Variants in ACTN4 observed in about 807,000 individuals in gnomAD.
ACTN4 encodes the protein actinin alpha 4.
A neutral mutation model predicts 114.2 loss-of-function variants in ACTN4; 18 were observed. That is an observed-to-expected ratio of 0.16 (90% CI 0.11 to 0.23). The LOEUF is 0.23. Ranked by LOEUF, ACTN4 falls within the 10% of genes least tolerant of loss-of-function variation. ACTN4 has a pLI of 1.00. For synonymous variants in ACTN4, 515 were observed against 506.3 expected, an observed-to-expected ratio of 1.02 and a Z score of -0.23; for missense variants, 722 against 1,262.9, an observed-to-expected ratio of 0.57 and a Z score of 6.49.
At chr19:38,710,875 G>T in intron 8 of ACTN4, 1 of 230,920 alleles carries the variant, frequency 4.3e-6, no homozygotes. Context: ...GTGACACGCA[G>T]TGATGGGTCA....
At chr19:38,714,963 A>C (rs1968791113) in intron 9 of ACTN4, among the ~76,000 whole-genome samples, 1 of 152,222 alleles carries the variant, frequency 6.6e-6, no homozygotes, top group Non-Finnish European at 1.5e-5. Context: ...GGCCCTGTGC[A>C]GGTGCTTAAC....
chr19:38,725,509 CCT>C (rs767364876), intron 16 of ACTN4, among the ~76,000 whole-genome samples: 1 of 152,234 alleles, frequency 6.6e-6, no homozygotes, highest in African/African-American at 2.4e-5. Flanking sequence ...AGAAAACCTC[CCT>C]GTCATTGTCA....
At position 38,724,060 on chromosome 19, in the gene ACTN4, A is replaced by G. The variant is rs750972461; in HGVS notation, c.1675A>G (p.Thr559Ala). The change falls in exon 14 of 21, where the codon ACC becomes GCC. Residue 559 changes from threonine (T) to alanine (A), a missense_variant. Thr to Ala is a moderately conservative substitution (Grantham distance 58, BLOSUM62 0). Coordinates refer to ENST00000252699, the MANE Select transcript of ACTN4 (RefSeq NM_004924.6). This position sits in a 1 kb window ranked among gnomAD's most constrained non-coding sequence, Gnocchi z 7.0. ...EDLQDMFIVH[T>A]IEEIEGLISA... ...CCTCCAGGACATGTTCATCGTCCAT[A>G]CCATCGAGGAGATTGAGGTTCGCAC... 5.0e-6 allele frequency: 8 copies of G among 1,613,460 alleles called. No individual in the cohort carries two copies. The Admixed American group carries it at 1.3e-4, about 27-fold the overall frequency.
At chr19:38,678,210 C>A (rs1029317858) in intron 1 of ACTN4, among the ~76,000 whole-genome samples, 2 of 152,208 alleles carry the variant, frequency 1.3e-5, no homozygotes, top group African/African-American at 4.8e-5. Context: ...GGCCCTTGCC[C>A]TTAAAAATGA....
Position 38,731,071 on chromosome 19 carries a change from TCCCCCCATG to T in ACTN4, c.*1644_*1652del. On this transcript the variant is annotated 3_prime_UTR_variant, in exon 21 of 21. Transcript: ENST00000252699. Reference sequence around the variant, plus strand: ...AGTGCCCACCAGTCCCCGTACCCCTTCCCCCCATGCCCCACCATGCCGGGGTGGTACTCA... The same window carrying T: ...AGTGCCCACCAGTCCCCGTACCCCTTCCCCACCATGCCGGGGTGGTACTCA... 6.4e-7 allele frequency: 1 copy of T among 1,573,614 alleles called. No homozygotes were observed. The highest frequency in any genetic ancestry group is 8.6e-7 in the Non-Finnish European group (1 of 1,160,084).
In ACTN4 at chr19:38,647,711, G is replaced by A; in HGVS notation, c.-35G>A. The stretch of plus-strand genomic sequence containing the variant: ...CAGAGGGGCGGGAGCTGAGGCGGGA[G>A]CGGACAGGCTGGTGGGCGAGCGAGA... On this transcript the variant is annotated 5_prime_UTR_variant, in exon 1 of 21. Coordinates refer to ENST00000252699, the MANE Select transcript of ACTN4 (RefSeq NM_004924.6). The A allele has an allele frequency of 1.3e-6, 2 of 1,524,462 alleles. No individual in the cohort carries two copies. Among genetic ancestry groups the A allele is most frequent in the Non-Finnish European group, 1.8e-6 (2 of 1,136,910 alleles). 94.4% of individuals were successfully genotyped at this position (1,524,462 alleles called of 1,614,324 possible).
intron 1 of ACTN4, among the ~76,000 whole-genome samples, chr19:38,672,737 C>T (rs1967171779): frequency 2.0e-5 from 3 of 150,964 alleles, no homozygotes; most frequent in African/African-American, 7.3e-5. Context: ...CCACACCCGG[C>T]TAATTTTGTA....
intron 19 of ACTN4, among the ~76,000 whole-genome samples, chr19:38,728,738 G>T (rs1413393840): frequency 6.6e-6 from 1 of 152,234 alleles, no homozygotes; most frequent in Non-Finnish European, 1.5e-5. Context: ...TGCTGTGGGA[G>T]ACCACGAGAG....
At chr19:38,700,367 G>A (rs1968230508) in intron 1 of ACTN4, among the ~76,000 whole-genome samples, 1 of 152,286 alleles carries the variant, frequency 6.6e-6, no homozygotes, top group South Asian at 2.1e-4. Context: ...CGCCTGGATG[G>A]TCTTGTGATG....
At chr19:38,653,042 C>T (rs528279225) in intron 1 of ACTN4, among the ~76,000 whole-genome samples, 108 of 149,668 alleles carry the variant, frequency 7.2e-4, no homozygotes, top group African/African-American at 2.6e-3. Flanking sequence ...GCCAAGATCG[C>T]GCTACTGCAC....
At chr19:38,677,350 A>G (rs60860251) in intron 1 of ACTN4, among the ~76,000 whole-genome samples, 1,740 of 139,208 alleles carry the variant, frequency 0.012, 27 homozygotes, top group African/African-American at 0.041. Context: ...ATAAATATGT[A>G]TTGAATGAAT....
intron 1 of ACTN4, among the ~76,000 whole-genome samples, chr19:38,660,144 A>G (rs1976837544): frequency 6.6e-6 from 1 of 151,764 alleles, no homozygotes; most frequent in Non-Finnish European, 1.5e-5. Context: ...CTGGTCTCCA[A>G]CTCCTGACCT....
At chr19:38,681,879 G>A (rs1205219909) in intron 1 of ACTN4, among the ~76,000 whole-genome samples, 1 of 152,162 alleles carries the variant, frequency 6.6e-6, no homozygotes, top group Non-Finnish European at 1.5e-5. Flanking sequence ...TGGTCAGGCT[G>A]GAGTGCAGTA....
rs144919021 is a variant in ACTN4 at position 38,731,175 on chromosome 19, C to T, written c.*1743C>T. The T allele has an allele frequency of 2.5e-5, 41 of 1,613,188 alleles. No homozygotes were observed. The highest frequency in any genetic ancestry group is 6.7e-5 in the African/African-American group (5 of 75,050). On this transcript the variant is annotated 3_prime_UTR_variant, in exon 21 of 21. Coordinates refer to ENST00000252699, the MANE Select transcript of ACTN4 (RefSeq NM_004924.6). ...GAAGTCCACACGCAGACGGCTATCC[C>T]GGTAGCGGCTGGTGAGGGTCTGGGT...
chr19:38,717,498 G>T lies in ACTN4; in HGVS notation c.1143+182G>T, dbSNP rs1261234373. On this transcript the variant is annotated intron_variant, in intron 10 of 20. Coordinates refer to ENST00000252699, the MANE Select transcript of ACTN4 (RefSeq NM_004924.6). The surrounding 1 kb of genome is among the most constrained non-coding windows in gnomAD (Gnocchi z 4.0). ...TTCACTCGGCATTGTGCTCCCCTTTGGCCCTCACTCACTGTATTTTACACC... is the reference window on the plus strand; with the variant it reads ...TTCACTCGGCATTGTGCTCCCCTTTTGCCCTCACTCACTGTATTTTACACC... 6.6e-6 allele frequency among the ~76,000 whole-genome samples: 1 copy of T among 152,118 alleles called. No individual in the cohort carries two copies. The highest frequency in any genetic ancestry group is 2.4e-5 in the African/African-American group (1 of 41,416).
intron 1 of ACTN4, among the ~76,000 whole-genome samples, chr19:38,671,089 G>C (rs190223050): frequency 6.6e-6 from 1 of 152,080 alleles, no homozygotes; most frequent in Admixed American, 6.6e-5. Flanking sequence ...CTCTCACTAG[G>C]AGCGAGAAAA....
chr19:38,714,709 G>A, intron 9 of ACTN4, 148 bp downstream of exon 9: 1 of 877,260 alleles, frequency 1.1e-6, no homozygotes, highest in Admixed American at 2.0e-5. Context: ...GCCAGCTGGT[G>A]TGTACACGAC....
chr19:38,680,230 T>G (rs199584671), intron 1 of ACTN4, among the ~76,000 whole-genome samples: 53,617 of 145,612 alleles, frequency 0.37, 11,248 homozygotes, highest in Non-Finnish European at 0.46. Flanking sequence ...TTTTTTTTTT[T>G]TTTTTTTTTT....
At chr19:38,662,012 C>G (rs1343122737) in intron 1 of ACTN4, among the ~76,000 whole-genome samples, 1 of 152,232 alleles carries the variant, frequency 6.6e-6, no homozygotes, top group Admixed American at 6.5e-5. Flanking sequence ...ATAAATCCCT[C>G]TTTCACTTAG....
Sources: allele counts gnomAD v4.1 joint callset (sites outside exome capture counted in the v4.1 genomes callset), GRCh38; gene constraint gnomAD v4.1.1; non-coding constraint Gnocchi (gnomAD v3.1); transcripts MANE v1.5; gene names NCBI Gene and HGNC (gene_info 2026-07-23, HGNC 2026-07-21).